GULP1: variants seen among roughly 807,000 people sequenced by gnomAD.
The protein encoded by GULP1 is GULP PTB domain containing engulfment adaptor 1.
A neutral mutation model predicts 40.9 loss-of-function variants in GULP1; 19 were observed. The ratio of observed to expected loss-of-function variants is 0.46; its 90% confidence interval spans 0.32 to 0.68. The LOEUF is 0.68. Ranked by LOEUF, GULP1 falls within the 30% of genes least tolerant of loss-of-function variation. The probability of loss-of-function intolerance (pLI) is 0.03; values close to 1 mark genes in which losing one functional copy is unlikely to be tolerated. For missense variants in GULP1, 312 were observed against 362.2 expected (o/e 0.86, Z 1.12); for synonymous variants, 119 against 117.6 (o/e 1.01, Z -0.08).
chr2:188,350,351 C>G lies in GULP1; in HGVS notation c.-171-33412C>G, dbSNP rs543342459. 1.8e-4 allele frequency among the ~76,000 whole-genome samples: 28 copies of G among 152,106 alleles called. No individual in the cohort carries two copies. The South Asian group carries it at 4.6e-3, about 25-fold the overall frequency. ...TAAGCCTAGGGTATATTTGCCAGTT[C>G]TTCTCTAATTTCTTTCAACAATGTG... On this transcript the variant is annotated intron_variant, in intron 1 of 11. Coordinates refer to ENST00000409830, the MANE Select transcript of GULP1 (RefSeq NM_016315.4).
intron 11 of GULP1, chr2:188,593,674 C>A: frequency 4.2e-6 from 1 of 235,528 alleles, no homozygotes; most frequent in Non-Finnish European, 8.1e-6. Flanking sequence ...AAAAAGAAAC[C>A]TTTATCTTAA....
chr2:188,473,551 A>G (rs1170651847), intron 2 of GULP1, among the ~76,000 whole-genome samples: 3 of 152,122 alleles, frequency 2.0e-5, no homozygotes, highest in Non-Finnish European at 1.5e-5. Context: ...CCCCATGGCA[A>G]CTGTCACTAC....
At chr2:188,397,985 C>G (rs1262116482) in intron 2 of GULP1, among the ~76,000 whole-genome samples, 3 of 152,152 alleles carry the variant, frequency 2.0e-5, no homozygotes, top group Non-Finnish European at 2.9e-5. Flanking sequence ...GTGAATGTGG[C>G]ATTACTTGGA....
At chr2:188,368,378 C>T (rs1176777966) in intron 1 of GULP1, among the ~76,000 whole-genome samples, 1 of 151,850 alleles carries the variant, frequency 6.6e-6, no homozygotes, top group South Asian at 2.1e-4. Flanking sequence ...GTCGGGAGTT[C>T]GAGACCAGCC....
chr2:188,314,960 G>A (rs114611641), intron 1 of GULP1, among the ~76,000 whole-genome samples: 3,415 of 152,192 alleles, frequency 0.022, 139 homozygotes, highest in African/African-American at 0.078. Flanking sequence ...AGCAGTGCTT[G>A]TGATCAGGTA....
chr2:188,584,332 C>T lies in GULP1; in HGVS notation c.677C>T (p.Ser226Leu), dbSNP rs763080098. Residue 226 changes from serine to leucine, a missense_variant, in exon 10 of 12, where the codon TCA (serine) becomes TTA (leucine). Transcript: ENST00000409830. ...IFDMIPFSPI[S>L]HQSSMPTRNG... Reference sequence around the variant, plus strand: ...GATATGATTCCATTTTCTCCAATATCACACCAGTCTTCGATGCCTACTCGC... The same window carrying T: ...GATATGATTCCATTTTCTCCAATATTACACCAGTCTTCGATGCCTACTCGC... The T allele has an allele frequency of 1.7e-5, 28 of 1,604,970 alleles. No homozygotes were observed. Among genetic ancestry groups the T allele is most frequent in the Admixed American group, 6.7e-5 (4 of 59,978 alleles).
At chr2:188,368,870 T>G (rs2047160205) in intron 1 of GULP1, among the ~76,000 whole-genome samples, 1 of 145,250 alleles carries the variant, frequency 6.9e-6, no homozygotes, top group Admixed American at 6.9e-5. Context: ...TTTCTTTTCA[T>G]TGGGTTAGTA....
At chr2:188,579,007 A>C (rs1700737344) in intron 9 of GULP1, among the ~76,000 whole-genome samples, 1 of 152,194 alleles carries the variant, frequency 6.6e-6, no homozygotes, top group South Asian at 2.1e-4. Context: ...CCGCACGTTC[A>C]TATCCTTATT....
At position 188,517,741 on chromosome 2, in the gene GULP1, ATTC is replaced by A. The variant is rs1231291703; in HGVS notation, c.91-5010_91-5008del. 1.1e-4 allele frequency among the ~76,000 whole-genome samples: 16 copies of A among 152,048 alleles called. 1 individual carries two copies. The East Asian group carries it at 2.7e-3, about 26-fold the overall frequency. The stretch of plus-strand genomic sequence containing the variant: ...CTCGGTCTGTTTTCCTCAGGGAAAA[ATTC>A]TTCTGCTTGGAGGCTTATAAGATTA... On this transcript the variant is annotated intron_variant, in intron 4 of 11. Transcript: ENST00000409830.
At chr2:188,432,879 A>G (rs1198336048) in intron 2 of GULP1, among the ~76,000 whole-genome samples, 4 of 152,166 alleles carry the variant, frequency 2.6e-5, no homozygotes, top group Admixed American at 1.3e-4. Flanking sequence ...ACATAAACAT[A>G]TCTAAACACA....
At chr2:188,338,505 C>G (rs376698579) in intron 1 of GULP1, among the ~76,000 whole-genome samples, 2 of 152,016 alleles carry the variant, frequency 1.3e-5, no homozygotes, top group African/African-American at 4.8e-5. Flanking sequence ...GGGTCTTGCT[C>G]TGTTGCCAGG....
intron 7 of GULP1, among the ~76,000 whole-genome samples, chr2:188,567,853 C>G (rs1262159144): frequency 6.6e-6 from 1 of 152,036 alleles, no homozygotes; most frequent in East Asian, 1.9e-4. Flanking sequence ...AAACAGAAAA[C>G]AAATTATTCA....
chr2:188,310,462 T>C (rs1170611986), intron 1 of GULP1, among the ~76,000 whole-genome samples: 1 of 152,140 alleles, frequency 6.6e-6, no homozygotes, highest in African/African-American at 2.4e-5. Flanking sequence ...AGAAATAGAA[T>C]CATGTGTAAA....
At chr2:188,572,345 G>A (rs1441125117) in intron 9 of GULP1, among the ~76,000 whole-genome samples, 2 of 152,116 alleles carry the variant, frequency 1.3e-5, no homozygotes, top group Non-Finnish European at 2.9e-5. Context: ...AAATGAATTA[G>A]CACTCCTGAG....
intron 2 of GULP1, among the ~76,000 whole-genome samples, chr2:188,424,736 T>C (rs1229534122): frequency 1.3e-5 from 2 of 151,912 alleles, no homozygotes; most frequent in African/African-American, 4.8e-5. Context: ...TTTATTTTAG[T>C]CTCTTTAATC....
intron 10 of GULP1, among the ~76,000 whole-genome samples, chr2:188,587,452 C>T (rs992835830): frequency 2.0e-5 from 3 of 152,044 alleles, no homozygotes; most frequent in African/African-American, 7.2e-5. Flanking sequence ...TATTGCTTTA[C>T]TATTGTGTTG....
intron 2 of GULP1, among the ~76,000 whole-genome samples, chr2:188,384,930 G>C (rs567170270): frequency 2.4e-4 from 36 of 152,332 alleles, no homozygotes; most frequent in African/African-American, 8.2e-4. Flanking sequence ...GCTTTGCAGG[G>C]TATAGCTGCC....
intron 1 of GULP1, among the ~76,000 whole-genome samples, chr2:188,361,076 C>CT (rs2046012550): frequency 6.6e-6 from 1 of 152,090 alleles, no homozygotes; most frequent in African/African-American, 2.4e-5. Context: ...ACAAAGATAG[C>CT]TTGACCATGA....
At chr2:188,429,595 CA>C (rs1351084569) in intron 2 of GULP1, among the ~76,000 whole-genome samples, 1 of 152,112 alleles carries the variant, frequency 6.6e-6, no homozygotes, top group East Asian at 1.9e-4. Context: ...CTTAACAGCA[CA>C]AAGTAGTTTG....
Sources: allele counts gnomAD v4.1 joint callset (sites outside exome capture counted in the v4.1 genomes callset), GRCh38; gene constraint gnomAD v4.1.1; transcripts MANE v1.5; gene names NCBI Gene and HGNC (gene_info 2026-07-23, HGNC 2026-07-21).